The following NCAM1 variants were observed in gnomAD, a reference collection of about 807,000 sequenced individuals.
The protein encoded by NCAM1 is antigen recognized by monoclonal antibody 5.1H11.
NCAM1 carries 14 observed loss-of-function variants against 109.8 expected under a neutral mutation model. That is an observed-to-expected ratio of 0.13 (90% CI 0.08 to 0.20). The LOEUF is 0.20. Among genes scored for constraint, NCAM1 ranks in the 10% least tolerant of loss-of-function variants. The pLI, the probability that NCAM1 is intolerant of heterozygous loss-of-function variation, is 1.00. For synonymous variants in NCAM1, 418 were observed against 442.9 expected (o/e 0.94, Z 0.70); for missense variants, 774 against 1,109.9 (o/e 0.70, Z 4.30).
intron 17 of NCAM1, chr11:113,265,049 C>G: frequency 1.0e-6 from 1 of 985,356 alleles, no homozygotes; most frequent in Non-Finnish European, 1.2e-6. Flanking sequence ...CCATGGGGCC[C>G]CTTTGCTCAT....
Position 113,273,323 on chromosome 11 carries a change from T to G in NCAM1, c.2456+1447T>G. The G allele has an allele frequency of 2.9e-6, 1 of 344,284 alleles. No homozygotes were observed. Among genetic ancestry groups the G allele is most frequent in the Non-Finnish European group, 5.8e-6 (1 of 173,306 alleles). 21.3% of individuals were successfully genotyped at this position (344,284 alleles called of 1,614,324 possible). ...CCCCTGCTGGTGTCGGGGAGGCCTC[T>G]AAGGCTCCTCCGGCCAGCAAGCCCA... On this transcript the variant is annotated intron_variant, in intron 19 of 19. Coordinates refer to ENST00000316851, the MANE Select transcript of NCAM1 (RefSeq NM_181351.5). This position sits in a 1 kb window ranked among gnomAD's most constrained non-coding sequence, Gnocchi z 6.0.
At chr11:113,110,538 G>A (rs1347093774) in intron 1 of NCAM1, among the ~76,000 whole-genome samples, 1 of 152,174 alleles carries the variant, frequency 6.6e-6, no homozygotes, top group Admixed American at 6.5e-5. Flanking sequence ...GGAGAGGAGA[G>A]TTAGACAAAT....
At chr11:113,140,092 C>T (rs1941759256) in intron 1 of NCAM1, among the ~76,000 whole-genome samples, 1 of 152,176 alleles carries the variant, frequency 6.6e-6, no homozygotes, top group South Asian at 2.1e-4. Context: ...GTATGGGTTG[C>T]AAAATTGAAC....
In NCAM1 at chr11:113,273,405, G is replaced by A; in HGVS notation, c.2456+1529G>A. ...AGCCAGTCCTCTAGCAGCAGCGGCT[G>A]CCCCTGCCACAGAAGCCCCTCAGGC... On this transcript the variant is annotated intron_variant, in intron 19 of 19. Transcript: ENST00000316851. This position sits in a 1 kb window ranked among gnomAD's most constrained non-coding sequence, Gnocchi z 6.0. 1 of 327,798 alleles carries A rather than the reference G, an allele frequency of 3.1e-6. No individual in the cohort carries two copies. Among genetic ancestry groups the A allele is most frequent in the Non-Finnish European group, 6.1e-6 (1 of 164,442 alleles). 20.3% of individuals were successfully genotyped at this position (327,798 alleles called of 1,614,324 possible). A position where few individuals can be genotyped will look rare whatever the true frequency, so the allele number is the denominator to read the frequency against.
intron 1 of NCAM1, among the ~76,000 whole-genome samples, chr11:113,115,403 C>G (rs1940655254): frequency 6.6e-6 from 1 of 152,106 alleles, no homozygotes; most frequent in African/African-American, 2.4e-5. Context: ...GCTGTCTTTT[C>G]CCCAATTCTG....
intron 1 of NCAM1, among the ~76,000 whole-genome samples, chr11:113,134,560 C>T (rs577655632): frequency 7.2e-5 from 11 of 152,248 alleles, no homozygotes; most frequent in African/African-American, 2.2e-4. Context: ...CCAAGCCAAG[C>T]ATTAGTGGCT....
At chr11:113,230,235 G>T (rs1198205763) in intron 9 of NCAM1, among the ~76,000 whole-genome samples, 1 of 152,140 alleles carries the variant, frequency 6.6e-6, no homozygotes, top group Non-Finnish European at 1.5e-5. Flanking sequence ...TTAATGTGTG[G>T]CATCTCCTGG....
At chr11:113,018,174 A>C (rs1952266530) in intron 1 of NCAM1, among the ~76,000 whole-genome samples, 1 of 54,938 alleles carries the variant, frequency 1.8e-5, no homozygotes, top group Admixed American at 1.8e-4. Flanking sequence ...AAGAAGTTTT[A>C]ATTGTGGTAA....
chr11:113,028,363 G>C (rs1555077756), intron 1 of NCAM1, among the ~76,000 whole-genome samples: 1 of 151,914 alleles, frequency 6.6e-6, no homozygotes, highest in African/African-American at 2.4e-5. Context: ...AAAAAGAATA[G>C]AATGGGAAGC....
chr11:113,083,049 G>GTT (rs11373764), intron 1 of NCAM1, among the ~76,000 whole-genome samples: 177 of 148,622 alleles, frequency 1.2e-3, no homozygotes, highest in Non-Finnish European at 1.4e-3. Context: ...AGTGAATGTT[G>GTT]TTTTTTTTTT....
At chr11:113,151,810 T>C (rs1456892263) in intron 1 of NCAM1, among the ~76,000 whole-genome samples, 4 of 152,204 alleles carry the variant, frequency 2.6e-5, no homozygotes, top group Admixed American at 2.0e-4. Flanking sequence ...TCTGTTCTTA[T>C]CCCCAGTGTA....
At chr11:113,075,541 T>C (rs1938492048) in intron 1 of NCAM1, among the ~76,000 whole-genome samples, 1 of 152,186 alleles carries the variant, frequency 6.6e-6, no homozygotes. Flanking sequence ...TTGATTTCCT[T>C]TTTGAATCAC....
At chr11:113,252,547 C>T (rs999733201) in intron 15 of NCAM1, among the ~76,000 whole-genome samples, 1 of 152,062 alleles carries the variant, frequency 6.6e-6, no homozygotes, top group Non-Finnish European at 1.5e-5. Context: ...ACTTCAGTGC[C>T]TAATAGACTA....
chr11:113,220,602 C>CTTTTTTTTTTTTTTTTTTT (rs1175342641), intron 8 of NCAM1, among the ~76,000 whole-genome samples: 5 of 75,582 alleles, frequency 6.6e-5, no homozygotes, highest in Admixed American at 1.7e-4. Context: ...CTCTCTCTCT[C>CTTTTTTTTTTTTTTTTTTT]TTTTTTTTTT....
At chr11:113,134,636 C>T (rs1350452834) in intron 1 of NCAM1, among the ~76,000 whole-genome samples, 1 of 152,114 alleles carries the variant, frequency 6.6e-6, no homozygotes, top group Non-Finnish European at 1.5e-5. Flanking sequence ...GTCCTATAAC[C>T]CAGCATCCTT....
At chr11:113,136,949 A>T (rs1234192604) in intron 1 of NCAM1, among the ~76,000 whole-genome samples, 1 of 152,218 alleles carries the variant, frequency 6.6e-6, no homozygotes, top group Admixed American at 6.5e-5. Flanking sequence ...GCCAAGGCTG[A>T]CACTGACCAA....
At chr11:113,141,573 C>A (rs1941821976) in intron 1 of NCAM1, among the ~76,000 whole-genome samples, 1 of 152,192 alleles carries the variant, frequency 6.6e-6, no homozygotes, top group Admixed American at 6.5e-5. Context: ...TGCTTGAACC[C>A]AGGCGGTGGA....
At chr11:113,049,988 A>G (rs1565405333) in intron 1 of NCAM1, among the ~76,000 whole-genome samples, 2 of 152,150 alleles carry the variant, frequency 1.3e-5, no homozygotes, top group Non-Finnish European at 2.9e-5. Flanking sequence ...TGCCTGAAAA[A>G]GAATGCCTTG....
chr11:113,015,562 C>T (rs1388190581), intron 1 of NCAM1, among the ~76,000 whole-genome samples: 1 of 151,732 alleles, frequency 6.6e-6, no homozygotes, highest in Non-Finnish European at 1.5e-5. Flanking sequence ...ATGGTGAAAC[C>T]CCATCTCTAC....
Sources: allele counts gnomAD v4.1 joint callset (sites outside exome capture counted in the v4.1 genomes callset), GRCh38; gene constraint gnomAD v4.1.1; non-coding constraint Gnocchi (gnomAD v3.1); transcripts MANE v1.5; gene names NCBI Gene and HGNC (gene_info 2026-07-23, HGNC 2026-07-21).